Variants in DPP10 observed in about 807,000 individuals in gnomAD.
The protein encoded by DPP10 is dipeptidyl peptidase like 10.
DPP10 carries 33 observed loss-of-function variants against 120.9 expected under a neutral mutation model. The ratio of observed to expected loss-of-function variants is 0.27; its 90% CI spans 0.21 to 0.37. The LOEUF is 0.37. Ranked by LOEUF, DPP10 falls within the 10% of genes least tolerant of loss-of-function variation. The pLI, the probability that DPP10 is intolerant of heterozygous loss-of-function variation, is 1.00. For synonymous variants in DPP10, 337 were observed against 326.1 expected (o/e 1.03, Z -0.36); for missense variants, 816 against 942.8 (o/e 0.87, Z 1.76).
At chr2:114,677,220 G>A (rs1001102856) in intron 1 of DPP10, among the ~76,000 whole-genome samples, 4 of 152,046 alleles carry the variant, frequency 2.6e-5, no homozygotes, top group Admixed American at 2.0e-4. Flanking sequence ...AATTGAAGAC[G>A]GCTGTCTAGG....
At chr2:115,289,301 A>G (rs1158825157) in intron 1 of DPP10, among the ~76,000 whole-genome samples, 1 of 152,028 alleles carries the variant, frequency 6.6e-6, no homozygotes, top group African/African-American at 2.4e-5. Context: ...CAAATGGACA[A>G]ACAGACAACA....
chr2:114,658,664 G>A (rs1044797613), intron 1 of DPP10, among the ~76,000 whole-genome samples: 1 of 152,144 alleles, frequency 6.6e-6, no homozygotes, highest in Admixed American at 6.5e-5. Flanking sequence ...GCTCATTAAA[G>A]TGAAAATATA....
intron 1 of DPP10, among the ~76,000 whole-genome samples, chr2:114,814,892 C>T (rs577837964): frequency 2.5e-4 from 38 of 152,256 alleles, no homozygotes; most frequent in Admixed American, 7.2e-4. Flanking sequence ...TAGAACCAAC[C>T]GTGGAGGAGC....
chr2:114,765,599 T>G (rs1680643050), intron 1 of DPP10, among the ~76,000 whole-genome samples: 1 of 152,184 alleles, frequency 6.6e-6, no homozygotes, highest in South Asian at 2.1e-4. Flanking sequence ...TAACATGCAT[T>G]GTATTTTAGA....
At chr2:114,577,646 C>A (rs1053075832) in intron 1 of DPP10, among the ~76,000 whole-genome samples, 2 of 152,078 alleles carry the variant, frequency 1.3e-5, no homozygotes, top group African/African-American at 4.8e-5. Context: ...TTGCTGTAAA[C>A]CACACTCTGG....
chr2:115,279,652 C>CTTTTTTTTTTTTT (rs1244784112), intron 1 of DPP10, among the ~76,000 whole-genome samples: 1 of 35,250 alleles, frequency 2.8e-5, no homozygotes, highest in African/African-American at 1.0e-4. Flanking sequence ...TTTTTTTCTT[C>CTTTTTTTTTTTTT]TTCTTTTTTT....
chr2:115,283,834 A>G (rs1298381216), intron 1 of DPP10, among the ~76,000 whole-genome samples: 3 of 152,144 alleles, frequency 2.0e-5, no homozygotes, highest in South Asian at 2.1e-4. Flanking sequence ...TTTAGGTACA[A>G]AAGTACTTAC....
At chr2:115,396,129 C>T (rs1413533945) in intron 3 of DPP10, among the ~76,000 whole-genome samples, 1 of 152,104 alleles carries the variant, frequency 6.6e-6, no homozygotes, top group Non-Finnish European at 1.5e-5. Context: ...ACATTCCAGG[C>T]ATGAGGATGG....
At chr2:114,718,038 T>C (rs1701466808) in intron 1 of DPP10, among the ~76,000 whole-genome samples, 1 of 152,044 alleles carries the variant, frequency 6.6e-6, no homozygotes, top group South Asian at 2.1e-4. Context: ...TCTATGTTTC[T>C]GGAAAGGCTT....
intron 8 of DPP10, among the ~76,000 whole-genome samples, chr2:115,733,106 C>A (rs754908972): frequency 6.6e-6 from 1 of 152,016 alleles, no homozygotes; most frequent in African/African-American, 2.4e-5. Flanking sequence ...TCAAGAATGA[C>A]AAGAATGAAA....
At chr2:115,430,130 G>T (rs1338474571) in intron 3 of DPP10, among the ~76,000 whole-genome samples, 1 of 152,180 alleles carries the variant, frequency 6.6e-6, no homozygotes, top group Admixed American at 6.5e-5. Flanking sequence ...GTTAGATGGA[G>T]TGGATTTGGA....
At chr2:114,925,675 T>C (rs1695566182) in intron 1 of DPP10, among the ~76,000 whole-genome samples, 1 of 152,180 alleles carries the variant, frequency 6.6e-6, no homozygotes, top group African/African-American at 2.4e-5. Context: ...ATCACATCTC[T>C]GGTCCAGGCA....
intron 1 of DPP10, among the ~76,000 whole-genome samples, chr2:115,232,954 C>T (rs1312930933): frequency 1.3e-5 from 2 of 151,844 alleles, no homozygotes; most frequent in African/African-American, 2.4e-5. Flanking sequence ...AAAAAAATAC[C>T]TTAATCACTT....
At chr2:114,663,216 A>G (rs1697566764) in intron 1 of DPP10, among the ~76,000 whole-genome samples, 1 of 151,012 alleles carries the variant, frequency 6.6e-6, no homozygotes, top group South Asian at 2.1e-4. Context: ...TCCAGTAAAC[A>G]GATGTGTATA....
chr2:115,412,100 A>AT (rs1460063208), intron 3 of DPP10, among the ~76,000 whole-genome samples: 2 of 151,978 alleles, frequency 1.3e-5, no homozygotes, highest in Non-Finnish European at 2.9e-5. Context: ...GGGAAATGAG[A>AT]TTTTCCTCCA....
At chr2:114,941,476 A>G (rs1488716780) in intron 1 of DPP10, among the ~76,000 whole-genome samples, 1 of 152,328 alleles carries the variant, frequency 6.6e-6, no homozygotes, top group Admixed American at 6.5e-5. Flanking sequence ...GGATATTACA[A>G]GTTAAGTGAA....
chr2:115,675,945 A>C (rs1366618294), intron 5 of DPP10, among the ~76,000 whole-genome samples: 3 of 152,084 alleles, frequency 2.0e-5, no homozygotes, highest in Non-Finnish European at 1.5e-5. Flanking sequence ...CACCAGCTGG[A>C]CCCAATAGTT....
At chr2:114,884,809 C>A (rs1691920774) in intron 1 of DPP10, among the ~76,000 whole-genome samples, 2 of 152,152 alleles carry the variant, frequency 1.3e-5, no homozygotes, top group African/African-American at 4.8e-5. Flanking sequence ...TGAGAACATA[C>A]AATGATTGGT....
chr2:115,291,444 C>G (rs972597201), intron 1 of DPP10, among the ~76,000 whole-genome samples: 1 of 152,054 alleles, frequency 6.6e-6, no homozygotes, highest in Non-Finnish European at 1.5e-5. Flanking sequence ...TGAATTTTCC[C>G]CACCACAAAT....
Sources: allele counts gnomAD v4.1 joint callset (sites outside exome capture counted in the v4.1 genomes callset), GRCh38; gene constraint gnomAD v4.1.1; transcripts MANE v1.5; gene names NCBI Gene and HGNC (gene_info 2026-07-23, HGNC 2026-07-21).